Variants in UTRN observed in about 807,000 individuals in gnomAD.
UTRN encodes dystrophin-related protein 1.
Under a neutral mutation model 463.9 loss-of-function variants are expected in UTRN, and 283 were observed. The observed-to-expected ratio is 0.61, with a 90% confidence interval of 0.55 to 0.67. The LOEUF (loss-of-function observed/expected upper bound fraction) is 0.67. Ranked by LOEUF, UTRN falls within the 30% of genes least tolerant of loss-of-function variation. The pLI, the probability that UTRN is intolerant of heterozygous loss-of-function variation, is 0.00. For synonymous variants in UTRN, 1,442 were observed against 1,431.5 expected, an observed-to-expected ratio of 1.01 and a Z score of -0.17; for missense variants, 3,922 against 4,084.3, an observed-to-expected ratio of 0.96 and a Z score of 1.08.
At position 144,287,489 on chromosome 6, in the gene UTRN, T is replaced by C. The variant is rs1245919191; in HGVS notation, c.-93+1668T>C. 7.4e-4 allele frequency among the ~76,000 whole-genome samples: 113 copies of C among 152,196 alleles called. 2 individuals are homozygous for C. The highest frequency in any genetic ancestry group is 7.3e-3 in the Admixed American group (112 of 15,280). The stretch of plus-strand genomic sequence containing the variant: ...AATCGTTCCTAGGTTTTGGTTCCTA[T>C]AGTAAATTAATGAATAGTGTTTGCA... On this transcript the variant is annotated intron_variant, in intron 1 of 74. Coordinates refer to ENST00000367545, the MANE Select transcript of UTRN (RefSeq NM_007124.3).
chr6:144,577,179 A>G lies in UTRN; in HGVS notation c.7370A>G (p.Lys2457Arg), dbSNP rs760879926. ...CGCAGAGATCTGGAAAACTTCCTGA[A>G]GTGGATCCAAGAAGCAGAGACCACA... is the stretch of plus-strand genomic sequence containing the variant. ...ASRRDLENFL[K>R]WIQEAETTVN... is the part of the protein sequence containing the mutation. The change falls in exon 51 of 75, where the codon AAG becomes AGG. Residue 2457 changes from lysine to arginine, a missense_variant. Physicochemically the swap from Lys to Arg is conservative, Grantham distance 26 (BLOSUM62 2). This residue lies in a region of UTRN where 1,309 missense variants were observed against 1,452.6 expected (regional missense o/e 0.90). Coordinates refer to ENST00000367545, the MANE Select transcript of UTRN (RefSeq NM_007124.3). 1.1e-5 allele frequency: 17 copies of G among 1,613,972 alleles called. No homozygotes were observed. Among genetic ancestry groups the G allele is most frequent in the Non-Finnish European group, 1.4e-5 (16 of 1,179,930 alleles).
chr6:144,637,586 T>A (rs1429490298), intron 51 of UTRN, among the ~76,000 whole-genome samples: 1 of 151,978 alleles, frequency 6.6e-6, no homozygotes, highest in East Asian at 1.9e-4. Flanking sequence ...TATACAGCTT[T>A]CCAGAAAATT....
chr6:144,316,222 C>T (rs1359490457), intron 2 of UTRN, among the ~76,000 whole-genome samples: 1 of 152,170 alleles, frequency 6.6e-6, no homozygotes. Context: ...AACAAAACAA[C>T]GGATAGACTG....
intron 73 of UTRN, among the ~76,000 whole-genome samples, chr6:144,844,799 A>G (rs73596379): frequency 0.091 from 13,838 of 152,286 alleles, 711 homozygotes; most frequent in South Asian, 0.15. Flanking sequence ...TCCCAATGCC[A>G]AGCCAATCCC....
chr6:144,543,596 C>T (rs1035241166), intron 46 of UTRN, among the ~76,000 whole-genome samples: 7 of 152,256 alleles, frequency 4.6e-5, no homozygotes, highest in Non-Finnish European at 8.8e-5. Context: ...TGCTCCTCCC[C>T]GCTTTTTTCT....
At chr6:144,374,049 T>C (rs1360174972) in intron 2 of UTRN, among the ~76,000 whole-genome samples, 3 of 152,230 alleles carry the variant, frequency 2.0e-5, no homozygotes, top group African/African-American at 7.2e-5. Context: ...ATGGCATTTA[T>C]AGATTTTTCT....
In UTRN at chr6:144,797,773, A is replaced by G. The variant is rs1160982695; in HGVS notation, c.9079-51A>G. 1.7e-5 allele frequency: 27 copies of G among 1,573,376 alleles called. No individual in the cohort carries two copies. The Admixed American group carries it at 4.6e-4, about 27-fold the overall frequency. On this transcript the variant is annotated intron_variant, in intron 63 of 74. Transcript: ENST00000367545. ...ATTATGAAGCAACAACACTAGCTAC[A>G]GTTTAAATGAAGGCATTTCTTCACT...
chr6:144,478,290 G>A (rs915625600), intron 25 of UTRN, among the ~76,000 whole-genome samples: 2 of 152,094 alleles, frequency 1.3e-5, no homozygotes, highest in Non-Finnish European at 2.9e-5. Context: ...TTTTGTTGTT[G>A]TTAAGCTTAT....
Position 144,732,804 on chromosome 6 carries a change from C to T in UTRN, c.7939+2318C>T, listed in dbSNP as rs28555350. 1.6e-3 allele frequency among the ~76,000 whole-genome samples: 236 copies of T among 152,150 alleles called. 2 individuals are homozygous for T. The East Asian group carries it at 0.037, about 24-fold the overall frequency. On this transcript the variant is annotated intron_variant, in intron 54 of 74. Coordinates refer to ENST00000367545, the MANE Select transcript of UTRN (RefSeq NM_007124.3). The stretch of plus-strand genomic sequence containing the variant: ...CACGGCCCACTGCACATCAACGTCC[C>T]AGGATCAAGTGATCAATCCTCCCAC...
chr6:144,653,142 A>G (rs1458146275), intron 51 of UTRN, among the ~76,000 whole-genome samples: 2 of 152,104 alleles, frequency 1.3e-5, no homozygotes, highest in Non-Finnish European at 2.9e-5. Context: ...GGTCGCCATT[A>G]TTGCTGTATT....
At chr6:144,350,942 C>A (rs146549132) in intron 2 of UTRN, among the ~76,000 whole-genome samples, 160 of 152,246 alleles carry the variant, frequency 1.1e-3, no homozygotes, top group Non-Finnish European at 1.2e-3. Flanking sequence ...ACGTCATCAT[C>A]CCAAACTGTG....
intron 55 of UTRN, among the ~76,000 whole-genome samples, chr6:144,750,123 A>G (rs1791215724): frequency 6.6e-6 from 1 of 152,194 alleles, no homozygotes; most frequent in Admixed American, 6.5e-5. Context: ...TGAGAGACCC[A>G]GACCTTTTCA....
At chr6:144,687,108 C>T (rs76650477) in intron 52 of UTRN, among the ~76,000 whole-genome samples, 18 of 152,170 alleles carry the variant, frequency 1.2e-4, no homozygotes, top group African/African-American at 3.1e-4. Context: ...AACATTCCTG[C>T]GTCCCTGGGA....
intron 51 of UTRN, among the ~76,000 whole-genome samples, chr6:144,617,609 G>A (rs1806273132): frequency 6.6e-6 from 1 of 152,174 alleles, no homozygotes; most frequent in South Asian, 2.1e-4. Context: ...ATGAACTGCA[G>A]GAGATTGCCC....
intron 3 of UTRN, among the ~76,000 whole-genome samples, chr6:144,406,804 A>G (rs1176711808): frequency 1.3e-5 from 2 of 152,070 alleles, no homozygotes; most frequent in Non-Finnish European, 2.9e-5. Context: ...GAAATTGTAT[A>G]ATTTTTGGTA....
In UTRN at chr6:144,553,149, TG is replaced by T. The variant is rs1315760363; in HGVS notation, c.6929-1538del. 1.3e-5 allele frequency among the ~76,000 whole-genome samples: 2 copies of T among 152,206 alleles called. 1 individual carries two copies. The highest frequency in any genetic ancestry group is 2.9e-5 in the Non-Finnish European group (2 of 68,036). On this transcript the variant is annotated intron_variant, in intron 48 of 74. Coordinates refer to ENST00000367545, the MANE Select transcript of UTRN (RefSeq NM_007124.3). ...GCCTCCTGGGATCCAGCGATTCTCC[TG>T]CCTCAGCCTCCCAAGTAGCTGGGAT...
intron 34 of UTRN, among the ~76,000 whole-genome samples, chr6:144,504,152 G>C (rs565106728): frequency 6.6e-6 from 1 of 152,248 alleles, no homozygotes; most frequent in East Asian, 1.9e-4. Context: ...AGACTGTGGG[G>C]TTTTCTAAAT....
chr6:144,566,119 C>T (rs951496518), intron 50 of UTRN, among the ~76,000 whole-genome samples: 2 of 152,096 alleles, frequency 1.3e-5, no homozygotes, highest in African/African-American at 4.8e-5. Context: ...CCAGAAAAGT[C>T]AACGAGAAGG....
chr6:144,548,087 A>G (rs1798567627), intron 46 of UTRN, among the ~76,000 whole-genome samples: 1 of 152,176 alleles, frequency 6.6e-6, no homozygotes, highest in Non-Finnish European at 1.5e-5. Flanking sequence ...TGGGAAATCT[A>G]TGCTAAGATA....
Sources: gnomAD v4.1 joint callset for allele counts (sites outside exome capture counted in the v4.1 genomes callset) on GRCh38, gnomAD v4.1.1 for gene constraint, gnomAD v4.1.1 regional missense constraint, MANE v1.5 for transcripts, NCBI Gene and HGNC (gene_info 2026-07-23, HGNC 2026-07-21) for gene names.